Variants in ARMC1 observed in about 807,000 individuals in gnomAD.
ARMC1 encodes armadillo repeat containing 1.
A neutral mutation model predicts 31.4 loss-of-function variants in ARMC1; 16 were observed. The ratio of observed to expected loss-of-function variants is 0.51; its 90% CI spans 0.34 to 0.77. ARMC1 has a LOEUF of 0.77. Ranked by LOEUF, ARMC1 falls within the 30% of genes least tolerant of loss-of-function variation. The pLI is 0.01. For missense variants in ARMC1, 259 were observed against 347.5 expected, an observed-to-expected ratio of 0.75 and a Z score of 2.02; for synonymous variants, 114 against 118.9, an observed-to-expected ratio of 0.96 and a Z score of 0.27.
chr8:65,631,283 G>A (rs368972790), intron 1 of ARMC1, among the ~76,000 whole-genome samples: 3 of 152,220 alleles, frequency 2.0e-5, no homozygotes, highest in East Asian at 3.8e-4. Flanking sequence ...CACCCAGGCT[G>A]GAGTGGCGTG....
chr8:65,624,725 A>G lies in ARMC1; in HGVS notation c.184-2371T>C, dbSNP rs573573685. Among the ~76,000 whole-genome samples, 5 of 152,106 alleles carry G rather than the reference A, an allele frequency of 3.3e-5. No homozygotes were observed. In the East Asian group the frequency reaches 9.7e-4, roughly 30 times the overall value. ...AAAGGTAGGCTGTAAGAAGTTAAAG[A>G]TGCATATTGTAAAACCTACAGCAAC... On this transcript the variant is annotated intron_variant, in intron 2 of 6. Coordinates refer to ENST00000276569, the MANE Select transcript of ARMC1 (RefSeq NM_018120.6).
chr8:65,606,229 C>T (rs1027056405), intron 4 of ARMC1, among the ~76,000 whole-genome samples: 2 of 151,860 alleles, frequency 1.3e-5, no homozygotes, highest in Admixed American at 1.3e-4. Context: ...GGCATGGTGG[C>T]GTGTGCCTGT....
intron 4 of ARMC1, among the ~76,000 whole-genome samples, chr8:65,610,135 T>C (rs985662166): frequency 1.3e-4 from 19 of 151,988 alleles, no homozygotes; most frequent in Non-Finnish European, 2.6e-4. Context: ...TCTCGCCCTG[T>C]CGCCCAGGCT....
intron 4 of ARMC1, among the ~76,000 whole-genome samples, chr8:65,607,512 A>G (rs750518958): frequency 6.6e-6 from 1 of 152,238 alleles, no homozygotes; most frequent in Non-Finnish European, 1.5e-5. Flanking sequence ...TTATTTTAAC[A>G]TAAATTAACA....
At chr8:65,606,573 A>G (rs1003853329) in intron 4 of ARMC1, among the ~76,000 whole-genome samples, 9 of 152,148 alleles carry the variant, frequency 5.9e-5, no homozygotes, top group Admixed American at 3.9e-4. Flanking sequence ...AGGGTTAGAC[A>G]TACCCTCTGT....
chr8:65,614,877 C>T (rs1452497490), intron 3 of ARMC1, among the ~76,000 whole-genome samples: 1 of 152,136 alleles, frequency 6.6e-6, no homozygotes, highest in African/African-American at 2.4e-5. Flanking sequence ...AATGCCTCTA[C>T]CTAATAACCC....
At chr8:65,623,866 C>T (rs1207117162) in intron 2 of ARMC1, among the ~76,000 whole-genome samples, 2 of 118,170 alleles carry the variant, frequency 1.7e-5, no homozygotes, top group Non-Finnish European at 3.2e-5. Flanking sequence ...GGCACAAACT[C>T]GGCCTACTGC....
Position 65,613,333 on chromosome 8 carries a change from A to C in ARMC1, c.376T>G (p.Ser126Ala). 6.2e-7 allele frequency: 1 copy of C among 1,612,938 alleles called. No homozygotes were observed. The highest frequency in any genetic ancestry group is 8.5e-7 in the Non-Finnish European group (1 of 1,179,566). The change falls in exon 4 of 7, where the codon TCA becomes GCA. Residue 126 changes from serine to alanine, a missense_variant. By Grantham distance (99) the Ser-to-Ala change is moderately conservative (BLOSUM62 1). Coordinates refer to ENST00000276569, the MANE Select transcript of ARMC1 (RefSeq NM_018120.6). ...AAAAATTGAGCTTTCCTTCGACGTG[A>C]ATTCATCTCATTAAAACTATCACCA... ...ADGDSFNEMNSRRRKAQFFLG... is the reference protein window; with the variant it reads ...ADGDSFNEMNARRRKAQFFLG...
At chr8:65,622,201 C>T (rs960214446) in intron 3 of ARMC1, 62 bp downstream of exon 3, 1 of 1,331,076 alleles carries the variant, frequency 7.5e-7, no homozygotes, top group Non-Finnish European at 1.1e-6. Context: ...CATAGTGAGG[C>T]CCTGTAAGTA....
chr8:65,621,161 G>A (rs1179133746), intron 3 of ARMC1, among the ~76,000 whole-genome samples: 2 of 152,104 alleles, frequency 1.3e-5, no homozygotes, highest in African/African-American at 4.8e-5. Flanking sequence ...TCCAAGGATA[G>A]TATAGAGCTG....
intron 3 of ARMC1, among the ~76,000 whole-genome samples, chr8:65,615,619 A>G (rs904798746): frequency 6.6e-6 from 1 of 152,180 alleles, no homozygotes; most frequent in Non-Finnish European, 1.5e-5. Flanking sequence ...AGGCAGGAGA[A>G]TCACTTGGAC....
In ARMC1 at chr8:65,610,634, G is replaced by A. The variant is rs570891737; in HGVS notation, c.465+2610C>T. 2.0e-5 allele frequency among the ~76,000 whole-genome samples: 3 copies of A among 152,034 alleles called. No homozygotes were observed. The South Asian group carries it at 6.2e-4, about 32-fold the overall frequency. ...GACTTGAACCCAGGAGGTGGAGGTT[G>A]CAGCGAGCCGAGATTGTGCCATCGC... On this transcript the variant is annotated intron_variant, in intron 4 of 6. Transcript: ENST00000276569.
rs1807985907 is a variant in ARMC1, at chr8:65,605,609, A to T, written c.466-71T>A. The T allele has an allele frequency of 2.7e-6, 3 of 1,127,714 alleles. No homozygotes were observed. In the East Asian group the frequency reaches 7.3e-5, roughly 27 times the overall value. The allele number at this position is 1,127,714 out of a possible 1,614,324, so 69.9% of individuals were successfully genotyped here. ...GTAATAAATCAGTGAAAACCAAGCT[A>T]TATTTTGGAGGGGGGAAGAGAGCAA... On this transcript the variant is annotated intron_variant, in intron 4 of 6. Transcript: ENST00000276569.
chr8:65,622,500 T>G (rs1808415591), intron 2 of ARMC1, 146 bp from the exon 3 acceptor site: 1 of 624,212 alleles, frequency 1.6e-6, no homozygotes, highest in African/African-American at 1.8e-5. Flanking sequence ...GATTCAGAAT[T>G]ATTCCCTAGG....
intron 3 of ARMC1, among the ~76,000 whole-genome samples, chr8:65,618,137 A>G (rs1251792153): frequency 1.3e-5 from 2 of 152,064 alleles, no homozygotes; most frequent in Admixed American, 6.5e-5. Flanking sequence ...GCTGGTCTCG[A>G]ACTCCTGACC....
intron 4 of ARMC1, among the ~76,000 whole-genome samples, chr8:65,610,626 TG>T (rs1808116630): frequency 6.6e-6 from 1 of 150,612 alleles, no homozygotes; most frequent in South Asian, 2.1e-4. Context: ...ACCCAGGAGG[TG>T]GAGGTTGCAG....
Position 65,605,247 on chromosome 8 carries a change from T to A in ARMC1, c.657+16A>T, listed in dbSNP as rs1807977970. On this transcript the variant is annotated intron_variant, in intron 6 of 6. Transcript: ENST00000276569. ...AGAGTGAGTTGGATATAAAGAAAAT[T>A]AAACACAACTTTTACCTCTTCTCCA... 1.9e-6 allele frequency: 3 copies of A among 1,596,384 alleles called. No homozygotes were observed. The African/African-American group carries it at 4.1e-5, about 22-fold the overall frequency.
intron 2 of ARMC1, among the ~76,000 whole-genome samples, chr8:65,625,841 T>C (rs996551248): frequency 3.3e-5 from 5 of 152,000 alleles, no homozygotes; most frequent in African/African-American, 1.2e-4. Context: ...AGTCCTTAAG[T>C]AAAGGGCAAT....
intron 1 of ARMC1, among the ~76,000 whole-genome samples, chr8:65,629,951 T>C (rs993592482): frequency 6.6e-6 from 1 of 151,962 alleles, no homozygotes; most frequent in African/African-American, 2.4e-5. Context: ...TTGAGACCAG[T>C]CTGACCAATA....
Sources: gnomAD v4.1 joint callset for allele counts (sites outside exome capture counted in the v4.1 genomes callset) on GRCh38, gnomAD v4.1.1 for gene constraint, MANE v1.5 for transcripts, NCBI Gene and HGNC (gene_info 2026-07-23, HGNC 2026-07-21) for gene names.